The following TMEM163 variants were observed in gnomAD, a reference collection of about 807,000 sequenced individuals.
TMEM163 encodes transmembrane protein 163.
In TMEM163, 17 loss-of-function variants were observed where a neutral mutation model predicts 29.3. That is an observed-to-expected ratio of 0.58 (90% CI 0.40 to 0.87). TMEM163 has a LOEUF of 0.87. Among genes scored for constraint, TMEM163 ranks in the 40% least tolerant of loss-of-function variants. The pLI is 0.00. For missense variants in TMEM163, 303 were observed against 381.5 expected, an observed-to-expected ratio of 0.79 and a Z score of 1.71; for synonymous variants, 157 against 160.6, an observed-to-expected ratio of 0.98 and a Z score of 0.17.
chr2:134,573,909 G>T (rs1681490498), intron 2 of TMEM163, among the ~76,000 whole-genome samples: 2 of 152,146 alleles, frequency 1.3e-5, no homozygotes, highest in Admixed American at 6.5e-5. Flanking sequence ...AGGGAGTAAA[G>T]AACTCTCAGG....
chr2:134,692,447 C>G (rs1056484801), intron 2 of TMEM163, among the ~76,000 whole-genome samples: 1 of 152,152 alleles, frequency 6.6e-6, no homozygotes, highest in Non-Finnish European at 1.5e-5. Flanking sequence ...TGTCCTTTGC[C>G]GTTTCCCCTC....
In TMEM163 at chr2:134,466,001, G is replaced by T. The variant is rs1264775595; in HGVS notation, c.667+113C>A. On this transcript the variant is annotated intron_variant, in intron 6 of 7. Coordinates refer to ENST00000281924, the MANE Select transcript of TMEM163 (RefSeq NM_030923.5). ...GAGGCGGGTAGGAGAGTGAGAAATGGATTCCAAATTATTGAGTTCTCCAGC... is the reference window on the plus strand; with the variant it reads ...GAGGCGGGTAGGAGAGTGAGAAATGTATTCCAAATTATTGAGTTCTCCAGC... 3 of 730,150 alleles carry T rather than the reference G, an allele frequency of 4.1e-6. No homozygotes were observed. In the East Asian group the frequency reaches 8.3e-5, roughly 20 times the overall value. 45.2% of individuals were successfully genotyped at this position (730,150 alleles called of 1,614,324 possible). A position where few individuals can be genotyped will look rare whatever the true frequency, so the allele number is the denominator to read the frequency against.
chr2:134,696,046 C>T (rs754318498), intron 2 of TMEM163, among the ~76,000 whole-genome samples: 3 of 128,386 alleles, frequency 2.3e-5, no homozygotes, highest in African/African-American at 3.5e-5. Context: ...AGAAAGACAC[C>T]GTCTCAAAAA....
intron 2 of TMEM163, among the ~76,000 whole-genome samples, chr2:134,698,757 C>A (rs953586612): frequency 2.6e-5 from 4 of 152,138 alleles, no homozygotes; most frequent in African/African-American, 9.7e-5. Context: ...AATTTCCCAA[C>A]ATGTATTATG....
At chr2:134,519,086 C>T (rs1254016717) in intron 4 of TMEM163, among the ~76,000 whole-genome samples, 2 of 152,192 alleles carry the variant, frequency 1.3e-5, no homozygotes, top group African/African-American at 2.4e-5. Context: ...TGGACTCAAA[C>T]GTCCAACCAA....
rs71400515 is a variant in TMEM163 at position 134,689,913 on chromosome 2, G to GGTTTGTTT, written c.322+23279_322+23286dup. Among the ~76,000 whole-genome samples, 280 of 151,448 alleles carry GGTTTGTTT rather than the reference G, an allele frequency of 1.8e-3. 1 individual carries two copies. The highest frequency in any genetic ancestry group is 6.8e-3 in the Middle Eastern group (2 of 292). On this transcript the variant is annotated intron_variant, in intron 2 of 7. Coordinates refer to ENST00000281924, the MANE Select transcript of TMEM163 (RefSeq NM_030923.5). ...AGTAAAAGTCAACTTGCTCCTTTGC[G>GGTTTGTTT]GTTTGTTTGTTTGTTTGTTTGTTTG...
intron 2 of TMEM163, among the ~76,000 whole-genome samples, chr2:134,663,895 G>C (rs1424108895): frequency 1.3e-5 from 2 of 152,234 alleles, no homozygotes. Context: ...GTAGGAAGCT[G>C]TCTCCACAAT....
At chr2:134,481,361 G>A (rs991904389) in intron 5 of TMEM163, among the ~76,000 whole-genome samples, 1 of 140,208 alleles carries the variant, frequency 7.1e-6, no homozygotes, top group Non-Finnish European at 1.5e-5. Flanking sequence ...AGACCTAGTG[G>A]GAGGTAATTG....
intron 5 of TMEM163, among the ~76,000 whole-genome samples, chr2:134,500,404 C>A (rs1489488511): frequency 6.6e-6 from 1 of 152,220 alleles, no homozygotes; most frequent in Non-Finnish European, 1.5e-5. Context: ...GGCCACTCAG[C>A]CCTCAGCCGA....
intron 2 of TMEM163, among the ~76,000 whole-genome samples, chr2:134,680,375 G>A (rs903665168): frequency 6.7e-6 from 1 of 149,012 alleles, no homozygotes; most frequent in Non-Finnish European, 1.5e-5. Flanking sequence ...AAAAAAAAAA[G>A]CTCTGTATGG....
At position 134,712,572 on chromosome 2, in the gene TMEM163, A is replaced by G. The variant is rs1386364262; in HGVS notation, c.322+628T>C. ...TCATAAGAATAAATAGCACACATAC[A>G]TTTCCATAGGCTGCAAAATGTTAGT... is the stretch of plus-strand genomic sequence containing the variant. On this transcript the variant is annotated intron_variant, in intron 2 of 7. Coordinates refer to ENST00000281924, the MANE Select transcript of TMEM163 (RefSeq NM_030923.5). Among the ~76,000 whole-genome samples, 6 of 152,170 alleles carry G rather than the reference A, an allele frequency of 3.9e-5. No homozygotes were observed. The East Asian group carries it at 7.7e-4, about 20-fold the overall frequency.
Position 134,588,844 on chromosome 2 carries a change from T to C in TMEM163, c.323-36753A>G, listed in dbSNP as rs145788952. 3.6e-3 allele frequency among the ~76,000 whole-genome samples: 539 copies of C among 151,490 alleles called. 4 individuals carry two copies. The highest frequency in any genetic ancestry group is 0.012 in the African/African-American group (496 of 41,176). On this transcript the variant is annotated intron_variant, in intron 2 of 7. Coordinates refer to ENST00000281924, the MANE Select transcript of TMEM163 (RefSeq NM_030923.5). ...GGATGGCAAGTAAACAGGCAAAACG[T>C]TGGGGGGGGAAGAGGCCATTCGGTG...
intron 2 of TMEM163, among the ~76,000 whole-genome samples, chr2:134,637,569 T>A (rs1379479861): frequency 6.6e-6 from 1 of 152,208 alleles, no homozygotes; most frequent in African/African-American, 2.4e-5. Flanking sequence ...CACAACAATA[T>A]CCGATGCAGG....
chr2:134,556,484 A>G (rs1202364263), intron 2 of TMEM163, among the ~76,000 whole-genome samples: 1 of 152,208 alleles, frequency 6.6e-6, no homozygotes. Flanking sequence ...TGATTTATTC[A>G]AAGAATAGGC....
chr2:134,717,421 C>A (rs1314885183), intron 1 of TMEM163, among the ~76,000 whole-genome samples: 3 of 152,188 alleles, frequency 2.0e-5, no homozygotes, highest in African/African-American at 7.2e-5. Context: ...TTCGTTGCCA[C>A]TGGAGCAGCT....
intron 2 of TMEM163, among the ~76,000 whole-genome samples, chr2:134,608,910 C>T (rs200367415): frequency 1.6e-5 from 1 of 63,120 alleles, no homozygotes; most frequent in East Asian, 6.1e-4. Context: ...GAGGACAGAC[C>T]CCGAGAACTG....
rs911354169 is a variant in TMEM163, at chr2:134,632,653, C to T, written c.322+80547G>A. Among the ~76,000 whole-genome samples the T allele has an allele frequency of 5.3e-5, 8 of 152,170 alleles. No individual in the cohort carries two copies. In the East Asian group the frequency reaches 1.5e-3, roughly 29 times the overall value. On this transcript the variant is annotated intron_variant, in intron 2 of 7. Transcript: ENST00000281924. ...CTCAAAGGGTGGAAGGAGAGGGGCG[C>T]TGCCTTCAATCTCTTTTATAAGGGC... is the stretch of plus-strand genomic sequence containing the variant.
At chr2:134,479,856 G>C (rs1687007699) in intron 5 of TMEM163, among the ~76,000 whole-genome samples, 1 of 152,200 alleles carries the variant, frequency 6.6e-6, no homozygotes, top group Admixed American at 6.5e-5. Flanking sequence ...TCTCAGCCAG[G>C]CTGGAATGTG....
At chr2:134,689,610 G>C (rs1462108693) in intron 2 of TMEM163, among the ~76,000 whole-genome samples, 1 of 152,174 alleles carries the variant, frequency 6.6e-6, no homozygotes, top group African/African-American at 2.4e-5. Context: ...CCTGCTTCAG[G>C]GATGGGGCTT....
Sources: gnomAD v4.1 joint callset for allele counts (sites outside exome capture counted in the v4.1 genomes callset) on GRCh38, gnomAD v4.1.1 for gene constraint, MANE v1.5 for transcripts, NCBI Gene and HGNC (gene_info 2026-07-23, HGNC 2026-07-21) for gene names.